Variants in B4GALT5 observed in about 807,000 individuals in gnomAD.
The protein encoded by B4GALT5 is UDP-Gal:beta-GlcNAc beta-1,4-galactosyltransferase 5.
Under a neutral mutation model 45.0 loss-of-function variants are expected in B4GALT5, and 11 were observed. The ratio of observed to expected loss-of-function variants is 0.24; its 90% CI spans 0.15 to 0.40. The LOEUF is 0.40. B4GALT5 is among the 10% of genes least tolerant of loss of function. B4GALT5 has a pLI of 1.00. For synonymous variants in B4GALT5, 185 were observed against 182.9 expected (o/e 1.01, Z -0.09); for missense variants, 337 against 500.2 (o/e 0.67, Z 3.11).
At chr20:49,683,385 ATTTTTTTTTTTTT>A (rs66503719) in intron 1 of B4GALT5, among the ~76,000 whole-genome samples, 1 of 96,630 alleles carries the variant, frequency 1.0e-5, no homozygotes, top group Non-Finnish European at 2.0e-5. Flanking sequence ...ACAGGTTTAA[ATTTTTTTTTTTTT>A]TTTTTTTTTT....
chr20:49,712,560 A>G (rs1054902271), intron 1 of B4GALT5, among the ~76,000 whole-genome samples: 2 of 152,020 alleles, frequency 1.3e-5, no homozygotes, highest in African/African-American at 4.8e-5. Flanking sequence ...TCTTTCCTCC[A>G]TGCTCCCCCT....
chr20:49,642,558 G>C lies in B4GALT5; in HGVS notation c.516C>G (p.Asn172Lys). 1 of 1,614,008 alleles carries C rather than the reference G, an allele frequency of 6.2e-7. No individual in the cohort carries two copies. Among genetic ancestry groups the C allele is most frequent in the South Asian group, 1.1e-5 (1 of 91,064 alleles). ...WKVAILIPFRNRHEHLPVLFR... is the reference protein window; with the variant it reads ...WKVAILIPFRKRHEHLPVLFR... ...ACAGGACTGGGAGGTGCTCGTGGCG[G>C]TTCCGGAAGGGGATAAGGATCGCCA... The change falls in exon 5 of 9, where the codon AAC becomes AAG. Residue 172 changes from asparagine (N) to lysine (K), a missense_variant. Coordinates refer to ENST00000371711, the MANE Select transcript of B4GALT5 (RefSeq NM_004776.4).
At chr20:49,679,549 A>T (rs1021797969) in intron 1 of B4GALT5, among the ~76,000 whole-genome samples, 22 of 151,624 alleles carry the variant, frequency 1.5e-4, no homozygotes, top group African/African-American at 5.1e-4. Context: ...GGTGGCATGC[A>T]CCTGTAGTCC....
chr20:49,648,677 T>C (rs2085608832), intron 2 of B4GALT5, among the ~76,000 whole-genome samples: 2 of 152,258 alleles, frequency 1.3e-5, no homozygotes, highest in African/African-American at 4.8e-5. Context: ...CCCTCACATA[T>C]GTATGCCCCT....
chr20:49,710,402 TC>T (rs1225896658), intron 1 of B4GALT5, among the ~76,000 whole-genome samples: 3 of 57,546 alleles, frequency 5.2e-5, no homozygotes, highest in East Asian at 5.4e-4. Flanking sequence ...TTATTTTCTC[TC>T]TCTTTTTTTT....
intron 2 of B4GALT5, among the ~76,000 whole-genome samples, chr20:49,647,515 TC>T (rs1287775074): frequency 6.6e-6 from 1 of 152,090 alleles, no homozygotes; most frequent in Non-Finnish European, 1.5e-5. Flanking sequence ...CTCCCACTTA[TC>T]CCCTTCCTTC....
intron 1 of B4GALT5, among the ~76,000 whole-genome samples, chr20:49,690,152 C>T (rs1339740444): frequency 2.6e-5 from 4 of 152,058 alleles, no homozygotes; most frequent in Non-Finnish European, 4.4e-5. Flanking sequence ...TAGAAGCACA[C>T]ACCACTACAC....
At chr20:49,683,121 T>A (rs1162386419) in intron 1 of B4GALT5, among the ~76,000 whole-genome samples, 1 of 151,532 alleles carries the variant, frequency 6.6e-6, no homozygotes. Flanking sequence ...AAAAGTGACA[T>A]AGAAGGACGA....
chr20:49,713,515 G>A (rs1312214336), intron 1 of B4GALT5, 61 bp downstream of exon 1: 3 of 1,507,712 alleles, frequency 2.0e-6, no homozygotes, highest in Admixed American at 2.0e-5. Flanking sequence ...GAGGGGCGGG[G>A]ATTCCCCGGG....
chr20:49,682,701 A>G, intron 1 of B4GALT5, among the ~76,000 whole-genome samples: 1 of 152,162 alleles, frequency 6.6e-6, no homozygotes, highest in East Asian at 1.9e-4. Flanking sequence ...AATTACCTAA[A>G]AGGACACACA....
Position 49,637,553 on chromosome 20 carries a change from G to C in B4GALT5, c.918-111C>G, listed in dbSNP as rs143939179. The stretch of plus-strand genomic sequence containing the variant: ...ACCCTGGAAATCACACACAGCAAAA[G>C]CTCTCACCCGCTTAACTGACTCATT... On this transcript the variant is annotated intron_variant, in intron 7 of 8. Coordinates refer to ENST00000371711, the MANE Select transcript of B4GALT5 (RefSeq NM_004776.4). The C allele has an allele frequency of 1.5e-3, 1,111 of 735,670 alleles. 7 individuals carry two copies. In the African/African-American group the frequency reaches 0.018, roughly 12 times the overall value. The allele number at this position is 735,670 out of a possible 1,614,324, so 45.6% of individuals were successfully genotyped here. A position where few individuals can be genotyped will look rare whatever the true frequency, so the allele number is the denominator to read the frequency against.
At chr20:49,652,618 A>T (rs749537144) in intron 2 of B4GALT5, among the ~76,000 whole-genome samples, 7 of 151,816 alleles carry the variant, frequency 4.6e-5, no homozygotes, top group Non-Finnish European at 8.8e-5. Context: ...GCAGATTCAC[A>T]ATCTCACAAA....
intron 1 of B4GALT5, chr20:49,684,639 T>C (rs762458989): frequency 5.8e-6 from 3 of 518,782 alleles, no homozygotes; most frequent in East Asian, 5.4e-5. Flanking sequence ...GCAAGTGCCA[T>C]ACAGTAAGTA....
chr20:49,645,679 G>A (rs2085596145), intron 3 of B4GALT5, among the ~76,000 whole-genome samples: 1 of 152,002 alleles, frequency 6.6e-6, no homozygotes, highest in Non-Finnish European at 1.5e-5. Flanking sequence ...AACCTGGGAG[G>A]CAGAGGTTGC....
chr20:49,658,706 G>A (rs1361730734), intron 1 of B4GALT5, among the ~76,000 whole-genome samples: 1 of 152,062 alleles, frequency 6.6e-6, no homozygotes. Context: ...ATCCCCCAGA[G>A]TGCTTTTAAG....
chr20:49,704,975 T>C (rs1286339921), intron 1 of B4GALT5, among the ~76,000 whole-genome samples: 1 of 151,840 alleles, frequency 6.6e-6, no homozygotes, highest in African/African-American at 2.4e-5. Flanking sequence ...GGTCTAATAA[T>C]TGCTTACTCA....
intron 1 of B4GALT5, among the ~76,000 whole-genome samples, chr20:49,682,467 T>C (rs1212402473): frequency 6.6e-6 from 1 of 152,208 alleles, no homozygotes; most frequent in Non-Finnish European, 1.5e-5. Context: ...ACGGGCCTTC[T>C]CGCTGTCCTG....
intron 1 of B4GALT5, among the ~76,000 whole-genome samples, chr20:49,668,437 T>C (rs995685182): frequency 6.6e-6 from 1 of 152,058 alleles, no homozygotes. Flanking sequence ...AAATTCTTAA[T>C]AGCATGACCA....
At chr20:49,700,516 T>C (rs1173324735) in intron 1 of B4GALT5, among the ~76,000 whole-genome samples, 2 of 152,052 alleles carry the variant, frequency 1.3e-5, no homozygotes, top group African/African-American at 4.8e-5. Flanking sequence ...CCTAGGCTGG[T>C]CTCAAACTCC....
Sources: allele counts gnomAD v4.1 joint callset (sites outside exome capture counted in the v4.1 genomes callset), GRCh38; gene constraint gnomAD v4.1.1; transcripts MANE v1.5; gene names NCBI Gene and HGNC (gene_info 2026-07-23, HGNC 2026-07-21).